The following PRKD1 variants were observed in gnomAD, a reference collection of about 807,000 sequenced individuals.
PRKD1 encodes the protein protein kinase D1, also known as serine/threonine-protein kinase D1.
PRKD1 carries 63 observed loss-of-function variants against 95.9 expected under a neutral mutation model. The ratio of observed to expected loss-of-function variants is 0.66; its 90% CI spans 0.54 to 0.81. PRKD1 has a LOEUF of 0.81. Ranked by LOEUF, PRKD1 falls within the 30% of genes least tolerant of loss-of-function variation. The pLI is 0.00. For missense variants in PRKD1, 1,048 were observed against 1,165.3 expected (o/e 0.90, Z 1.47); for synonymous variants, 425 against 423.1 (o/e 1.00, Z -0.05).
chr14:29,608,173 C>T (rs1481113250), intron 13 of PRKD1, among the ~76,000 whole-genome samples: 2 of 151,940 alleles, frequency 1.3e-5, no homozygotes, highest in Admixed American at 1.3e-4. Context: ...TGCTTTTTTT[C>T]TTTTGATGTA....
Position 29,638,922 on chromosome 14 carries a change from A to G in PRKD1, c.697-18T>C. 4.4e-6 allele frequency: 7 copies of G among 1,598,518 alleles called. No individual in the cohort carries two copies. The highest frequency in any genetic ancestry group is 5.1e-6 in the Non-Finnish European group (6 of 1,165,878). On this transcript the variant is annotated intron_variant, in intron 4 of 17. Transcript: ENST00000331968. ...GATTTTTGCTACATTTTGGAAAACA[A>G]TAAAGGAAGCAAGATGTAAGAGGCT...
At chr14:29,750,902 T>C (rs1408718569) in intron 1 of PRKD1, among the ~76,000 whole-genome samples, 1 of 152,178 alleles carries the variant, frequency 6.6e-6, no homozygotes, top group East Asian at 1.9e-4. Context: ...AATATGTATA[T>C]TCCCATTCAA....
At chr14:29,704,878 T>G (rs779185702) in intron 2 of PRKD1, among the ~76,000 whole-genome samples, 5 of 152,148 alleles carry the variant, frequency 3.3e-5, no homozygotes, top group Non-Finnish European at 5.9e-5. Flanking sequence ...TATATCTCTT[T>G]TACACACACA....
At position 29,719,794 on chromosome 14, in the gene PRKD1, CAG is replaced by C. The variant is rs1464368463; in HGVS notation, c.403+5740_403+5741del. 3.3e-5 allele frequency among the ~76,000 whole-genome samples: 5 copies of C among 152,262 alleles called. No individual in the cohort carries two copies. In the East Asian group the frequency reaches 9.7e-4, roughly 29 times the overall value. On this transcript the variant is annotated intron_variant, in intron 2 of 17. Coordinates refer to ENST00000331968, the MANE Select transcript of PRKD1 (RefSeq NM_002742.3). ...ATGGCTCAAATCTTCCCCCTCTGTG[CAG>C]AGAGACTGGATCATCCTCTCAGACA...
intron 2 of PRKD1, among the ~76,000 whole-genome samples, 187 bp from the exon 3 acceptor site, chr14:29,666,395 TG>T (rs1330707923): frequency 6.6e-6 from 1 of 151,924 alleles, no homozygotes; most frequent in Non-Finnish European, 1.5e-5. Flanking sequence ...TTACAGTTGG[TG>T]GCACAGCAAC....
chr14:29,775,866 C>G (rs1202437991), intron 1 of PRKD1, among the ~76,000 whole-genome samples: 1 of 152,152 alleles, frequency 6.6e-6, no homozygotes, highest in East Asian at 1.9e-4. Flanking sequence ...GCCCCTGACC[C>G]CCGAGTAGCC....
At chr14:29,596,668 T>C (rs1459481001) in intron 16 of PRKD1, among the ~76,000 whole-genome samples, 1 of 152,050 alleles carries the variant, frequency 6.6e-6, no homozygotes, top group Admixed American at 6.6e-5. Context: ...TTGGCCAAGC[T>C]GATCTTGAAC....
At chr14:29,901,917 C>A (rs373285982) in intron 1 of PRKD1, among the ~76,000 whole-genome samples, 1 of 152,164 alleles carries the variant, frequency 6.6e-6, no homozygotes, top group Non-Finnish European at 1.5e-5. Context: ...GATTCCAAAG[C>A]TCTTTGACTT....
chr14:29,890,630 C>A (rs954289129), intron 1 of PRKD1, among the ~76,000 whole-genome samples: 1 of 151,888 alleles, frequency 6.6e-6, no homozygotes, highest in Non-Finnish European at 1.5e-5. Flanking sequence ...TCTTTTTTTT[C>A]TTCAGTAAAA....
chr14:29,721,451 T>C (rs1594458360), intron 2 of PRKD1, among the ~76,000 whole-genome samples: 1 of 152,182 alleles, frequency 6.6e-6, no homozygotes, highest in African/African-American at 2.4e-5. Flanking sequence ...CACACACATA[T>C]AGACATAAAC....
At chr14:29,893,926 A>G (rs10142416) in intron 1 of PRKD1, among the ~76,000 whole-genome samples, 64,064 of 152,052 alleles carry the variant, frequency 0.42, 14,206 homozygotes, top group African/African-American at 0.56. Context: ...TGCTTCTGAG[A>G]CTTAGATTTA....
At chr14:29,885,124 T>TAAAAAAAA (rs1220944588) in intron 1 of PRKD1, among the ~76,000 whole-genome samples, 3 of 131,066 alleles carry the variant, frequency 2.3e-5, no homozygotes, top group African/African-American at 8.6e-5. Context: ...CTCCATCTTT[T>TAAAAAAAA]AAAAAAAAAA....
At chr14:29,878,238 C>A (rs1176471782) in intron 1 of PRKD1, among the ~76,000 whole-genome samples, 1 of 148,272 alleles carries the variant, frequency 6.7e-6, no homozygotes, top group Admixed American at 6.9e-5. Context: ...ATCTGTACCA[C>A]AAACCCCTGT....
chr14:29,791,275 G>A (rs1031965963), intron 1 of PRKD1, among the ~76,000 whole-genome samples: 1 of 152,124 alleles, frequency 6.6e-6, no homozygotes, highest in Non-Finnish European at 1.5e-5. Context: ...CAAGCAACAT[G>A]ATAGGTGCTT....
At chr14:29,889,684 A>G (rs1487017040) in intron 1 of PRKD1, among the ~76,000 whole-genome samples, 1 of 152,182 alleles carries the variant, frequency 6.6e-6, no homozygotes, top group East Asian at 1.9e-4. Flanking sequence ...GTGGGAGCTG[A>G]ACAACGAGAA....
At chr14:29,750,420 C>T (rs1026660864) in intron 1 of PRKD1, among the ~76,000 whole-genome samples, 2 of 152,058 alleles carry the variant, frequency 1.3e-5, no homozygotes, top group Non-Finnish European at 2.9e-5. Flanking sequence ...AAAAACACTC[C>T]TAATACTAAA....
intron 4 of PRKD1, among the ~76,000 whole-genome samples, chr14:29,655,936 T>C (rs917088503): frequency 1.1e-4 from 17 of 149,336 alleles, no homozygotes; most frequent in African/African-American, 4.2e-4. Flanking sequence ...TATATATATA[T>C]ATTAAAAAAA....
In PRKD1 at chr14:29,660,118, T is replaced by C. The variant is rs1183558205; in HGVS notation, c.696+3581A>G. ...GCATAAGACAGGGTCAAGATTCTTC[T>C]TTGCCATATAGATATCCAATTGGTC... On this transcript the variant is annotated intron_variant, in intron 4 of 17. Transcript: ENST00000331968. 2.0e-5 allele frequency among the ~76,000 whole-genome samples: 3 copies of C among 152,204 alleles called. No individual in the cohort carries two copies. The East Asian group carries it at 5.8e-4, about 29-fold the overall frequency.
At position 29,826,461 on chromosome 14, in the gene PRKD1, A is replaced by AAT. The variant is rs1189641430; in HGVS notation, c.264+100786_264+100787dup. Among the ~76,000 whole-genome samples the AAT allele has an allele frequency of 3.5e-4, 23 of 65,898 alleles. 2 individuals carry two copies. The highest frequency in any genetic ancestry group is 1.7e-3 in the African/African-American group (22 of 13,126). The allele number at this position is 65,898 out of a possible 152,430, so 43.2% of individuals were successfully genotyped here. On this transcript the variant is annotated intron_variant, in intron 1 of 17. Coordinates refer to ENST00000331968, the MANE Select transcript of PRKD1 (RefSeq NM_002742.3). ...ATATATATATACATATATATGATGG[A>AAT]ATATATATACATATATATGATGGAA... is the stretch of plus-strand genomic sequence containing the variant.
Sources: allele counts gnomAD v4.1 joint callset (sites outside exome capture counted in the v4.1 genomes callset), GRCh38; gene constraint gnomAD v4.1.1; transcripts MANE v1.5; gene names NCBI Gene and HGNC (gene_info 2026-07-23, HGNC 2026-07-21).